Variants in ADORA2B observed in about 807,000 individuals in gnomAD.
ADORA2B encodes adenosine A2b receptor, also known as adenosine receptor A2b.
A neutral mutation model predicts 20.8 loss-of-function variants in ADORA2B; 18 were observed. The ratio of observed to expected loss-of-function variants is 0.87; its 90% CI spans 0.60 to 1.29. The LOEUF (loss-of-function observed/expected upper bound fraction) is 1.29. Among genes scored for constraint, ADORA2B ranks in the 50% most tolerant of loss-of-function variants. The pLI, the probability that ADORA2B is intolerant of heterozygous loss-of-function variation, is 0.00. For missense variants in ADORA2B, 441 were observed against 422.7 expected (o/e 1.04, Z -0.38); for synonymous variants, 179 against 178.3 (o/e 1.00, Z -0.03).
the ADORA2B span, among the ~76,000 whole-genome samples, chr17:15,887,252 A>G: frequency 7.7e-6 from 1 of 130,210 alleles, no homozygotes; most frequent in Admixed American, 7.6e-5. Flanking sequence ...TTCCTGGACC[A>G]GCTCACCGTG....
chr17:15,876,809 T>C, the ADORA2B span, among the ~76,000 whole-genome samples: 1 of 152,348 alleles, frequency 6.6e-6, no homozygotes, highest in Non-Finnish European at 1.5e-5. Flanking sequence ...CATTTTTAAG[T>C]GTACAGTTCA....
chr17:15,896,022 T>A, the ADORA2B span, among the ~76,000 whole-genome samples: 5 of 152,290 alleles, frequency 3.3e-5, no homozygotes, highest in African/African-American at 9.6e-5. Flanking sequence ...CCACCTGGTA[T>A]TTTTTGGGTA....
In ADORA2B at chr17:15,954,416, C is replaced by G. The variant is rs545153013; in HGVS notation, c.335+8833C>G. On this transcript the variant is annotated intron_variant, in intron 1 of 1. Coordinates refer to ENST00000304222, the MANE Select transcript of ADORA2B (RefSeq NM_000676.4). ...TGCCTTCCCACATCCTCGTGATCACCCAGCTTCTTAATCACCCTCATGCTG... is the reference window on the plus strand; with the variant it reads ...TGCCTTCCCACATCCTCGTGATCACGCAGCTTCTTAATCACCCTCATGCTG... Among the ~76,000 whole-genome samples, 9 of 152,252 alleles carry G rather than the reference C, an allele frequency of 5.9e-5. No homozygotes were observed. In the South Asian group the frequency reaches 1.7e-3, roughly 28 times the overall value.
chr17:15,919,188 G>A, the ADORA2B span, among the ~76,000 whole-genome samples: 1 of 152,072 alleles, frequency 6.6e-6, no homozygotes, highest in Non-Finnish European at 1.5e-5. Flanking sequence ...TACAACCATG[G>A]CACCCACTGG....
At chr17:15,891,916 TGGCTCACTGCAACCTC>T in the ADORA2B span, among the ~76,000 whole-genome samples, 5 of 150,130 alleles carry the variant, frequency 3.3e-5, no homozygotes, top group Non-Finnish European at 7.4e-5. Context: ...GGTATGATCT[TGGCTCACTGCAACCTC>T]CACCTGCTAG....
the ADORA2B span, among the ~76,000 whole-genome samples, chr17:15,888,862 T>TTA: frequency 3.9e-5 from 2 of 51,542 alleles, no homozygotes. Context: ...TTTTTTTTTT[T>TTA]TTTTTTTTTT....
chr17:15,895,115 G>A, the ADORA2B span, among the ~76,000 whole-genome samples: 1 of 152,058 alleles, frequency 6.6e-6, no homozygotes, highest in Non-Finnish European at 1.5e-5. Flanking sequence ...GCCTTCAACT[G>A]ATTAGATGAG....
chr17:15,878,688 T>G, the ADORA2B span, among the ~76,000 whole-genome samples: 2 of 152,260 alleles, frequency 1.3e-5, no homozygotes, highest in African/African-American at 4.8e-5. Flanking sequence ...TTTCCATTAA[T>G]AGCAATATCT....
chr17:15,968,581 C>T (rs1051138986), intron 1 of ADORA2B, among the ~76,000 whole-genome samples: 6 of 151,938 alleles, frequency 3.9e-5, no homozygotes, highest in Non-Finnish European at 7.4e-5. Context: ...TGTGGTCAGG[C>T]GGAGGAGGGA....
chr17:15,945,717 T>C, intron 1 of ADORA2B, 134 bp downstream of exon 1: 1 of 847,306 alleles, frequency 1.2e-6, no homozygotes, highest in Non-Finnish European at 1.8e-6. Flanking sequence ...CTTGGAGGGC[T>C]GGTTCCCAGC....
chr17:15,876,743 G>A, the ADORA2B span, among the ~76,000 whole-genome samples: 2 of 151,438 alleles, frequency 1.3e-5, no homozygotes, highest in African/African-American at 4.9e-5. Context: ...CATCACTTCA[G>A]TTTTCTTACT....
chr17:15,958,782 G>A (rs2779203), intron 1 of ADORA2B, among the ~76,000 whole-genome samples: 144,460 of 152,208 alleles, frequency 0.95, 68,862 homozygotes, highest in Non-Finnish European at 0.99. Flanking sequence ...TCCCTCTGGG[G>A]GGCACACAGG....
the ADORA2B span, among the ~76,000 whole-genome samples, chr17:15,934,434 C>A: frequency 6.6e-6 from 1 of 152,128 alleles, no homozygotes; most frequent in African/African-American, 2.4e-5. Context: ...CCATATTGGC[C>A]AGGCTGGTCT....
At chr17:15,864,336 TG>T in the ADORA2B span, among the ~76,000 whole-genome samples, 1 of 152,372 alleles carries the variant, frequency 6.6e-6, no homozygotes, top group South Asian at 2.1e-4. Context: ...ACCAAACATA[TG>T]GGTGTATGCA....
In ADORA2B at chr17:15,945,459, T is replaced by A; in HGVS notation, c.211T>A (p.Phe71Ile). 2.5e-6 allele frequency: 4 copies of A among 1,613,674 alleles called. No homozygotes were observed. Among genetic ancestry groups the A allele is most frequent in the Non-Finnish European group, 3.4e-6 (4 of 1,179,976 alleles). Residue 71 changes from phenylalanine (F) to isoleucine (I), a missense_variant, in exon 1 of 2, where the codon TTC (phenylalanine) becomes ATC (isoleucine). Physicochemically the swap from Phe to Ile is conservative, Grantham distance 21 (BLOSUM62 0). Coordinates refer to ENST00000304222, the MANE Select transcript of ADORA2B (RefSeq NM_000676.4). ...CTTTGCCATCACCATCAGCCTGGGCTTCTGCACTGACTTCTACGGCTGCCT... is the reference window on the plus strand; with the variant it reads ...CTTTGCCATCACCATCAGCCTGGGCATCTGCACTGACTTCTACGGCTGCCT... ...IPFAITISLGFCTDFYGCLFL... is the reference protein window; with the variant it reads ...IPFAITISLGICTDFYGCLFL...
chr17:15,947,963 C>T (rs1476057312), intron 1 of ADORA2B, among the ~76,000 whole-genome samples: 4 of 152,132 alleles, frequency 2.6e-5, no homozygotes, highest in Non-Finnish European at 4.4e-5. Context: ...GCATGGCGCC[C>T]CAAGCACTGA....
the ADORA2B span, among the ~76,000 whole-genome samples, chr17:15,900,855 C>G: frequency 2.6e-5 from 4 of 152,166 alleles, no homozygotes; most frequent in Non-Finnish European, 5.9e-5. Context: ...TCCTCGGCCA[C>G]CATGTAAGGA....
chr17:15,942,820 G>C (rs1969756606), upstream of ADORA2B, among the ~76,000 whole-genome samples: 1 of 152,166 alleles, frequency 6.6e-6, no homozygotes, highest in Admixed American at 6.5e-5. Flanking sequence ...TCTCCACTAG[G>C]CCTTTTTCTC....
At chr17:15,909,315 T>C in the ADORA2B span, among the ~76,000 whole-genome samples, 1 of 152,142 alleles carries the variant, frequency 6.6e-6, no homozygotes, top group African/African-American at 2.4e-5. Context: ...TTCAGGGCAA[T>C]CTGGAAACAC....
Sources: allele counts gnomAD v4.1 joint callset (sites outside exome capture counted in the v4.1 genomes callset), GRCh38; gene constraint gnomAD v4.1.1; transcripts MANE v1.5; gene names NCBI Gene and HGNC (gene_info 2026-07-23, HGNC 2026-07-21).